The following TENM4 variants were observed in gnomAD, a reference collection of about 807,000 sequenced individuals.
TENM4 encodes the protein teneurin-4.
A neutral mutation model predicts 243.3 loss-of-function variants in TENM4; 82 were observed. The ratio of observed to expected loss-of-function variants is 0.34; its 90% CI spans 0.28 to 0.40. The LOEUF is 0.40. TENM4 is among the 10% of genes least tolerant of loss of function. The pLI is 1.00. For missense variants in TENM4, 3,138 were observed against 3,673.3 expected (o/e 0.85, Z 3.77); for synonymous variants, 1,412 against 1,456.3 (o/e 0.97, Z 0.69).
chr11:79,031,013 A>G lies in TENM4; in HGVS notation c.493+33725T>C, dbSNP rs78297985. 5.5e-3 allele frequency among the ~76,000 whole-genome samples: 839 copies of G among 152,310 alleles called. 10 individuals are homozygous for G. The highest frequency in any genetic ancestry group is 0.018 in the African/African-American group (746 of 41,580). On this transcript the variant is annotated intron_variant, in intron 6 of 33. Transcript: ENST00000278550. ...GAGACACGAAGGTGGATAAAGGGACATATATGTGGGTGATCGATTATTTGA... is the reference window on the plus strand; with the variant it reads ...GAGACACGAAGGTGGATAAAGGGACGTATATGTGGGTGATCGATTATTTGA...
At chr11:78,754,059 A>G (rs1373390707) in intron 19 of TENM4, among the ~76,000 whole-genome samples, 2 of 152,156 alleles carry the variant, frequency 1.3e-5, no homozygotes, top group African/African-American at 4.8e-5. Context: ...TCTTCAAGGC[A>G]ATTTATATGT....
intron 1 of TENM4, among the ~76,000 whole-genome samples, chr11:79,334,090 T>C (rs1372581751): frequency 2.6e-5 from 4 of 152,348 alleles, no homozygotes; most frequent in East Asian, 3.9e-4. Context: ...GCAAACATCA[T>C]TGACTACCTA....
At chr11:78,724,149 TCTTGA>T (rs1855462332) in intron 23 of TENM4, among the ~76,000 whole-genome samples, 1 of 152,030 alleles carries the variant, frequency 6.6e-6, no homozygotes, top group East Asian at 1.9e-4. Context: ...AGTGGCATGT[TCTTGA>T]CTTAACTGTA....
In TENM4 at chr11:78,732,187, T is replaced by A. The variant is rs1318333620; in HGVS notation, c.3138+129A>T. The A allele has an allele frequency of 3.8e-6, 5 of 1,331,670 alleles. No individual in the cohort carries two copies. The African/African-American group carries it at 7.4e-5, about 20-fold the overall frequency. The allele number at this position is 1,331,670 out of a possible 1,614,324, so 82.5% of individuals were successfully genotyped here. On this transcript the variant is annotated intron_variant, in intron 21 of 33. Coordinates refer to ENST00000278550, the MANE Select transcript of TENM4 (RefSeq NM_001098816.3). The stretch of plus-strand genomic sequence containing the variant: ...TGGGGTTTGGTGGCTGGATTTTGCA[T>A]AACAGGCTGATGGGACCTGACCCAA...
intron 9 of TENM4, among the ~76,000 whole-genome samples, chr11:78,876,485 T>G (rs1329897201): frequency 6.6e-6 from 1 of 152,216 alleles, no homozygotes; most frequent in East Asian, 1.9e-4. Context: ...GGCTGTTCGG[T>G]CTTCCAGAAA....
chr11:79,029,065 T>C (rs1170432837), intron 6 of TENM4, among the ~76,000 whole-genome samples: 1 of 152,190 alleles, frequency 6.6e-6, no homozygotes, highest in African/African-American at 2.4e-5. Flanking sequence ...ATATATTTTT[T>C]AATACAAAAA....
At chr11:78,802,539 G>A (rs1170296042) in intron 15 of TENM4, among the ~76,000 whole-genome samples, 2 of 152,236 alleles carry the variant, frequency 1.3e-5, no homozygotes, top group African/African-American at 2.4e-5. Flanking sequence ...GAGGAGGAAC[G>A]TGGCCTGTGG....
intron 4 of TENM4, among the ~76,000 whole-genome samples, chr11:79,125,367 A>C (rs183583136): frequency 6.6e-6 from 1 of 152,318 alleles, no homozygotes; most frequent in African/African-American, 2.4e-5. Flanking sequence ...GTGAGCCTCA[A>C]ATCTGTTAAG....
In TENM4 at chr11:79,079,352, C is replaced by T. The variant is rs141422136; in HGVS notation, c.-65-9343G>A. On this transcript the variant is annotated intron_variant, in intron 4 of 33. Transcript: ENST00000278550. ...GCTGCGGAGCTGGGAGGGCTCCCCC[C>T]AGAGCTGCCTGACCCCCTAGAGGGC... 9.1e-3 allele frequency among the ~76,000 whole-genome samples: 1,389 copies of T among 152,346 alleles called. 20 individuals are homozygous for T. Among genetic ancestry groups the T allele is most frequent in the African/African-American group, 0.032 (1,336 of 41,586 alleles).
chr11:78,716,465 C>T, intron 25 of TENM4, among the ~76,000 whole-genome samples: 1 of 152,180 alleles, frequency 6.6e-6, no homozygotes, highest in East Asian at 1.9e-4. Flanking sequence ...GGACTGATTA[C>T]CAGTCTCTGC....
At chr11:78,705,755 G>T (rs1212866248) in intron 27 of TENM4, among the ~76,000 whole-genome samples, 1 of 152,196 alleles carries the variant, frequency 6.6e-6, no homozygotes, top group Non-Finnish European at 1.5e-5. Flanking sequence ...TGAGAGATTG[G>T]GGTCAGGACA....
At chr11:78,831,473 C>T (rs145623219) in intron 12 of TENM4, among the ~76,000 whole-genome samples, 5 of 152,308 alleles carry the variant, frequency 3.3e-5, no homozygotes, top group South Asian at 2.1e-4. Flanking sequence ...GTAATAAATG[C>T]GTAAAGCCCA....
intron 32 of TENM4, among the ~76,000 whole-genome samples, chr11:78,664,636 CAGAA>C (rs1858107396): frequency 6.6e-6 from 1 of 152,366 alleles, no homozygotes; most frequent in South Asian, 2.1e-4. Flanking sequence ...TCCTCTCTAA[CAGAA>C]GGAGCTTGGA....
chr11:79,073,186 C>G (rs1300352320), intron 4 of TENM4, among the ~76,000 whole-genome samples: 1 of 152,180 alleles, frequency 6.6e-6, no homozygotes, highest in Non-Finnish European at 1.5e-5. Flanking sequence ...ATGCTATTGT[C>G]CTGCTTATGC....
chr11:78,985,975 C>A (rs550146990), intron 6 of TENM4, among the ~76,000 whole-genome samples: 1 of 152,332 alleles, frequency 6.6e-6, no homozygotes, highest in East Asian at 1.9e-4. Context: ...GGAGCCTTTT[C>A]TTCCTTTCAA....
At chr11:79,355,860 C>T (rs181444313) in intron 1 of TENM4, among the ~76,000 whole-genome samples, 4 of 152,278 alleles carry the variant, frequency 2.6e-5, no homozygotes, top group Admixed American at 6.5e-5. Flanking sequence ...TGACAAATTA[C>T]GGAACCTCAG....
At chr11:79,137,727 T>TATTAA (rs1466895555) in intron 4 of TENM4, among the ~76,000 whole-genome samples, 10 of 152,336 alleles carry the variant, frequency 6.6e-5, no homozygotes, top group African/African-American at 2.4e-4. Context: ...ACATAAGATT[T>TATTAA]ATTAACTTCA....
chr11:79,417,933 C>T (rs752380149), intron 1 of TENM4, among the ~76,000 whole-genome samples: 6 of 152,146 alleles, frequency 3.9e-5, no homozygotes, highest in Admixed American at 1.3e-4. Flanking sequence ...TCTTACTGAC[C>T]TCCAGGCAGA....
At chr11:78,930,642 C>A (rs2705225) in intron 6 of TENM4, among the ~76,000 whole-genome samples, 1 of 152,164 alleles carries the variant, frequency 6.6e-6, no homozygotes, top group Non-Finnish European at 1.5e-5. Flanking sequence ...TGAACTGGCC[C>A]GGGCCACAAC....
Sources: gnomAD v4.1 joint callset for allele counts (sites outside exome capture counted in the v4.1 genomes callset) on GRCh38, gnomAD v4.1.1 for gene constraint, MANE v1.5 for transcripts, NCBI Gene and HGNC (gene_info 2026-07-23, HGNC 2026-07-21) for gene names.